Variants in MTERF3 observed in about 807,000 individuals in gnomAD.
MTERF3 encodes the protein mitochondrial transcription termination factor 3.
MTERF3 carries 40 observed loss-of-function variants against 40.5 expected under a neutral mutation model. The ratio of observed to expected loss-of-function variants is 0.99; its 90% CI spans 0.77 to 1.29. The LOEUF is 1.29. Among genes scored for constraint, MTERF3 ranks in the 50% most tolerant of loss-of-function variants. The probability of loss-of-function intolerance (pLI) is 0.00; values close to 1 mark genes in which losing one functional copy is unlikely to be tolerated. For synonymous variants in MTERF3, 158 were observed against 166.6 expected (o/e 0.95, Z 0.40); for missense variants, 452 against 478.2 (o/e 0.95, Z 0.51).
Position 96,258,485 on chromosome 8 carries a change from C to T in MTERF3, c.206G>A (p.Ser69Asn). The stretch of plus-strand genomic sequence containing the variant: ...ACTACTTGAGCTAGTAGACTGGGAA[C>T]TATTCCATAAGGAGGAAGTCCTGTA... ...KTYRTSSLWN[S>N]SQSTSSSSQE... Residue 69 changes from serine (S) to asparagine (N), a missense_variant, in exon 2 of 8, where the codon AGT (serine) becomes AAT (asparagine). Transcript: ENST00000287025. 1 of 1,614,158 alleles carries T rather than the reference C, an allele frequency of 6.2e-7. No homozygotes were observed.
chr8:96,241,566 C>A (rs1336013843), intron 7 of MTERF3, among the ~76,000 whole-genome samples: 1 of 152,178 alleles, frequency 6.6e-6, no homozygotes, highest in African/African-American at 2.4e-5. Flanking sequence ...TATACGTTTA[C>A]TTCTCCAGTG....
intron 6 of MTERF3, 105 bp downstream of exon 6, chr8:96,245,755 T>G (rs923369347): frequency 1.0e-5 from 9 of 897,758 alleles, no homozygotes; most frequent in Non-Finnish European, 1.6e-5. Context: ...ATAACTTATT[T>G]TAAAGTCTAG....
At position 96,244,062 on chromosome 8, in the gene MTERF3, C is replaced by A. The variant is rs770356464; in HGVS notation, c.916G>T (p.Gly306Cys). 6.2e-7 allele frequency: 1 copy of A among 1,611,830 alleles called. No individual in the cohort carries two copies. ...TGTTGAATTTCGTTATGTTTAAAAC[C>A]AAGTTCAAGACGATAAACCTAAAAG... ...ENMKVYRLELGFKHNEIQHMI... is the reference protein window; with the variant it reads ...ENMKVYRLELCFKHNEIQHMI... The change falls in exon 7 of 8, where the codon GGT becomes TGT. Residue 306 changes from glycine (G) to cysteine (C), a missense_variant. Physicochemically the swap from Gly to Cys is radical, Grantham distance 159. Coordinates refer to ENST00000287025, the MANE Select transcript of MTERF3 (RefSeq NM_015942.5).
chr8:96,249,069 T>C (rs1187385507), intron 4 of MTERF3, among the ~76,000 whole-genome samples: 8 of 152,218 alleles, frequency 5.3e-5, no homozygotes, highest in African/African-American at 1.9e-4. Flanking sequence ...TATTCCTCAA[T>C]TGTTAGGAGC....
At chr8:96,250,654 A>AAGG (rs1245890611) in intron 4 of MTERF3, among the ~76,000 whole-genome samples, 2 of 27,320 alleles carry the variant, frequency 7.3e-5, no homozygotes, top group African/African-American at 2.7e-4. Flanking sequence ...GAAGAAGAAG[A>AAGG]AGAAGAAGAA....
At chr8:96,247,623 C>G (rs2129894972) in intron 4 of MTERF3, among the ~76,000 whole-genome samples, 1 of 152,200 alleles carries the variant, frequency 6.6e-6, no homozygotes, top group African/African-American at 2.4e-5. Context: ...TCAGGCATGC[C>G]TACATCTAAA....
chr8:96,249,091 G>C (rs1586166624), intron 4 of MTERF3, among the ~76,000 whole-genome samples: 1 of 152,204 alleles, frequency 6.6e-6, no homozygotes, highest in South Asian at 2.1e-4. Flanking sequence ...TATATGGCTT[G>C]AGCAAGTAAC....
chr8:96,249,501 CT>C (rs1184238101), intron 4 of MTERF3, among the ~76,000 whole-genome samples: 2 of 152,152 alleles, frequency 1.3e-5, no homozygotes, highest in African/African-American at 4.8e-5. Context: ...AAGGGAAAGA[CT>C]GTTTTTGATG....
At chr8:96,250,342 T>TA (rs1810105861) in intron 4 of MTERF3, among the ~76,000 whole-genome samples, 1 of 145,068 alleles carries the variant, frequency 6.9e-6, no homozygotes, top group Non-Finnish European at 1.6e-5. Flanking sequence ...TTTTTTTTTT[T>TA]TAAGAAAAAA....
chr8:96,260,725 T>C (rs189873976), intron 1 of MTERF3, among the ~76,000 whole-genome samples: 173 of 152,354 alleles, frequency 1.1e-3, no homozygotes, highest in Non-Finnish European at 2.0e-3. Flanking sequence ...CATTTTTATT[T>C]ACAAGTGCAC....
At chr8:96,247,400 TA>T (rs566186359) in intron 4 of MTERF3, among the ~76,000 whole-genome samples, 102 of 152,364 alleles carry the variant, frequency 6.7e-4, no homozygotes, top group African/African-American at 2.4e-3. Flanking sequence ...AGTTTGACTA[TA>T]AAATAACATT....
intron 4 of MTERF3, among the ~76,000 whole-genome samples, chr8:96,247,879 G>A (rs377094264): frequency 4.8e-4 from 73 of 152,038 alleles, no homozygotes; most frequent in African/African-American, 1.5e-3. Context: ...ATAAAAGAAC[G>A]TTTACCGAAA....
chr8:96,250,572 ATGG>A (rs1159355430), intron 4 of MTERF3, among the ~76,000 whole-genome samples: 1 of 139,756 alleles, frequency 7.2e-6, no homozygotes, highest in African/African-American at 2.6e-5. Flanking sequence ...TTAGCCAGGC[ATGG>A]TGGCCACCTG....
chr8:96,245,971 G>C, intron 5 of MTERF3, 40 bp from the exon 6 acceptor site: 1 of 1,556,968 alleles, frequency 6.4e-7, no homozygotes, highest in East Asian at 2.2e-5. Context: ...TACTATACGT[G>C]CATCTTTAAC....
chr8:96,245,536 G>C (rs1273879337), intron 6 of MTERF3, among the ~76,000 whole-genome samples: 1 of 152,168 alleles, frequency 6.6e-6, no homozygotes, highest in African/African-American at 2.4e-5. Flanking sequence ...ACACTGCCCA[G>C]GTAACAAAGA....
At chr8:96,247,273 A>G (rs1810039323) in intron 4 of MTERF3, among the ~76,000 whole-genome samples, 1 of 152,168 alleles carries the variant, frequency 6.6e-6, no homozygotes, top group Admixed American at 6.6e-5. Context: ...GCCTGGCCTG[A>G]GCATGTATTT....
chr8:96,254,745 A>C (rs1586171867), intron 3 of MTERF3, among the ~76,000 whole-genome samples: 1 of 152,326 alleles, frequency 6.6e-6, no homozygotes, highest in Non-Finnish European at 1.5e-5. Context: ...TTATTCTTAT[A>C]TATTTAGATG....
intron 4 of MTERF3, among the ~76,000 whole-genome samples, chr8:96,250,678 AAGAAGG>A (rs1402353398): frequency 5.8e-5 from 2 of 34,380 alleles, no homozygotes; most frequent in East Asian, 1.4e-3. Context: ...GAAGAAGAAG[AAGAAGG>A]AGGAGGAGGA....
chr8:96,251,554 G>A (rs888057663), intron 3 of MTERF3, among the ~76,000 whole-genome samples: 8 of 152,050 alleles, frequency 5.3e-5, no homozygotes, highest in African/African-American at 1.4e-4. Context: ...CCCATCATAG[G>A]GGGAATAAAA....
Sources: allele counts gnomAD v4.1 joint callset (sites outside exome capture counted in the v4.1 genomes callset), GRCh38; gene constraint gnomAD v4.1.1; transcripts MANE v1.5; gene names NCBI Gene and HGNC (gene_info 2026-07-23, HGNC 2026-07-21).